Variants in LIMS1 observed in about 807,000 individuals in gnomAD.
LIMS1 encodes LIM and senescent cell antigen-like-containing domain protein 1.
A neutral mutation model predicts 44.1 loss-of-function variants in LIMS1; 18 were observed. The observed-to-expected ratio is 0.41, with a 90% confidence interval of 0.28 to 0.61. The LOEUF is 0.61. Among genes scored for constraint, LIMS1 ranks in the 20% least tolerant of loss-of-function variants. LIMS1 has a pLI of 0.32. For missense variants in LIMS1, 201 were observed against 422.0 expected (o/e 0.48, Z 4.59); for synonymous variants, 93 against 149.1 (o/e 0.62, Z 2.74).
chr2:108,683,202 A>G (rs1420350108), intron 9 of LIMS1, among the ~76,000 whole-genome samples: 1 of 152,226 alleles, frequency 6.6e-6, no homozygotes, highest in Non-Finnish European at 1.5e-5. Context: ...ATAATTTAAA[A>G]TTAATTAAAC....
rs1456731036 is a variant in LIMS1, at chr2:108,553,711, A to G, written c.32+19117A>G. 2.0e-5 allele frequency among the ~76,000 whole-genome samples: 3 copies of G among 152,348 alleles called. No homozygotes were observed. The East Asian group carries it at 5.8e-4, about 29-fold the overall frequency. ...AGTACAGACCCAGACGAGCCTTCCC[A>G]GAATCTCTGGGGAACTGGCTTCAGG... is the stretch of plus-strand genomic sequence containing the variant. On this transcript the variant is annotated intron_variant, in intron 1 of 9. Coordinates refer to ENST00000544547, the Ensembl canonical transcript of LIMS1.
intron 9 of LIMS1, 167 bp downstream of exon 9, chr2:108,680,937 T>G: frequency 1.5e-6 from 2 of 1,312,806 alleles, no homozygotes; most frequent in Non-Finnish European, 1.0e-6. Flanking sequence ...TTCCCTGTTC[T>G]TTCTTCTATT....
intron 1 of LIMS1, among the ~76,000 whole-genome samples, chr2:108,632,042 G>T (rs1688960558): frequency 6.6e-6 from 1 of 152,150 alleles, no homozygotes; most frequent in Non-Finnish European, 1.5e-5. Flanking sequence ...TGCAATCTTG[G>T]CTCACTGTAA....
chr2:108,564,662 T>C (rs1449923320), intron 1 of LIMS1, among the ~76,000 whole-genome samples: 2 of 152,278 alleles, frequency 1.3e-5, no homozygotes, highest in East Asian at 1.9e-4. Flanking sequence ...GTGCCTCTTA[T>C]ATAAACCCGT....
chr2:108,602,435 C>T (rs1573418019), intron 1 of LIMS1, among the ~76,000 whole-genome samples: 1 of 152,330 alleles, frequency 6.6e-6, no homozygotes, highest in East Asian at 1.9e-4. Flanking sequence ...GTCTGTCATA[C>T]ATGGCTTTTA....
intron 1 of LIMS1, among the ~76,000 whole-genome samples, chr2:108,535,711 T>G (rs1360464238): frequency 1.3e-5 from 2 of 152,232 alleles, no homozygotes; most frequent in African/African-American, 2.4e-5. Context: ...TCCAAAATTC[T>G]CATTTTCGGT....
At chr2:108,543,688 A>G (rs1196190588) in intron 1 of LIMS1, among the ~76,000 whole-genome samples, 2 of 152,184 alleles carry the variant, frequency 1.3e-5, no homozygotes, top group Non-Finnish European at 2.9e-5. Context: ...TTATAGATTA[A>G]AAGAAGTTAA....
At chr2:108,624,112 G>A (rs1053474221) in intron 1 of LIMS1, among the ~76,000 whole-genome samples, 4 of 152,194 alleles carry the variant, frequency 2.6e-5, no homozygotes, top group Non-Finnish European at 5.9e-5. Flanking sequence ...GTTACAGTTA[G>A]AGTGAAGTGA....
At chr2:108,654,312 C>T (rs1335803263) in intron 1 of LIMS1, among the ~76,000 whole-genome samples, 4 of 151,874 alleles carry the variant, frequency 2.6e-5, no homozygotes, top group African/African-American at 9.7e-5. Flanking sequence ...GAAACATCGG[C>T]TCACCTAAGC....
At chr2:108,613,282 C>T (rs1046195090) in intron 1 of LIMS1, among the ~76,000 whole-genome samples, 1 of 152,074 alleles carries the variant, frequency 6.6e-6, no homozygotes, top group African/African-American at 2.4e-5. Flanking sequence ...TTTGTAAACT[C>T]GTAAAAGTCT....
chr2:108,584,182 A>C (rs1443957270), intron 1 of LIMS1, among the ~76,000 whole-genome samples: 1 of 152,152 alleles, frequency 6.6e-6, no homozygotes, highest in Non-Finnish European at 1.5e-5. Flanking sequence ...ATCTCTCCAC[A>C]ATCACAGTGA....
At position 108,546,269 on chromosome 2, in the gene LIMS1, C is replaced by CTTTTTTT. The variant is rs35959257; in HGVS notation, c.32+11692_32+11698dup. Among the ~76,000 whole-genome samples, 630 of 90,860 alleles carry CTTTTTTT rather than the reference C, an allele frequency of 6.9e-3. 34 individuals are homozygous for CTTTTTTT. Among genetic ancestry groups the CTTTTTTT allele is most frequent in the Non-Finnish European group, 9.8e-3 (494 of 50,248 alleles). The allele number at this position is 90,860 out of a possible 152,430, so 59.6% of individuals were successfully genotyped here. A position where few individuals can be genotyped will look rare whatever the true frequency, so the allele number is the denominator to read the frequency against. The stretch of plus-strand genomic sequence containing the variant: ...TTTTCCCTTGCTCTCAGGCTACCGC[C>CTTTTTTT]TTTTTTTTTTTTTTTTTTTTTTTAG... On this transcript the variant is annotated intron_variant, in intron 1 of 9. Transcript: ENST00000544547.
rs923914643 is a variant in LIMS1, at chr2:108,681,429, T to A, written c.899+659T>A. 5,881 of 935,366 alleles carry A rather than the reference T, an allele frequency of 6.3e-3. 31 individuals carry two copies. The highest frequency in any genetic ancestry group is 7.2e-3 in the Non-Finnish European group (5,651 of 784,554). 57.9% of individuals were successfully genotyped at this position (935,366 alleles called of 1,614,324 possible). On this transcript the variant is annotated intron_variant, in intron 9 of 9. Transcript: ENST00000544547. ...CACCATATAGTATACATTTCTTTCT[T>A]TTTTTTTTAATGGATTTAAAGGGAA...
At chr2:108,607,930 G>A (rs750396653) in intron 1 of LIMS1, among the ~76,000 whole-genome samples, 10 of 152,144 alleles carry the variant, frequency 6.6e-5, no homozygotes, top group South Asian at 2.1e-4. Context: ...GGTGGCAGGC[G>A]CAGTGCTTTG....
At chr2:108,612,775 G>GTCCT (rs1214514585) in intron 1 of LIMS1, among the ~76,000 whole-genome samples, 1 of 152,108 alleles carries the variant, frequency 6.6e-6, no homozygotes, top group African/African-American at 2.4e-5. Context: ...GAGAGAGAAG[G>GTCCT]TGTGGGCTGG....
intron 5 of LIMS1, among the ~76,000 whole-genome samples, chr2:108,675,560 A>G (rs1350270662): frequency 6.6e-6 from 1 of 152,206 alleles, no homozygotes; most frequent in Non-Finnish European, 1.5e-5. Context: ...TATTCCCTGT[A>G]GCTTTTAGAG....
chr2:108,625,444 G>T (rs200772994), intron 1 of LIMS1, among the ~76,000 whole-genome samples: 2 of 152,132 alleles, frequency 1.3e-5, no homozygotes, highest in East Asian at 3.9e-4. Flanking sequence ...GCTGAGATAA[G>T]AACTCCTAGA....
intron 7 of LIMS1, chr2:108,676,985 T>C: frequency 8.3e-6 from 3 of 359,556 alleles, no homozygotes; most frequent in African/African-American, 4.2e-5. Context: ...ACGATGGCTG[T>C]TTTGCCAATA....
At chr2:108,600,059 C>T (rs944329209) in intron 1 of LIMS1, among the ~76,000 whole-genome samples, 1 of 150,330 alleles carries the variant, frequency 6.7e-6, no homozygotes, top group South Asian at 2.1e-4. Context: ...TTGTTGTTGT[C>T]GTTTGAGATG....
Sources: allele counts gnomAD v4.1 joint callset (sites outside exome capture counted in the v4.1 genomes callset), GRCh38; gene constraint gnomAD v4.1.1; transcripts MANE v1.5; gene names NCBI Gene and HGNC (gene_info 2026-07-23, HGNC 2026-07-21).